Variants in BPIFB4 observed in about 807,000 individuals in gnomAD.
BPIFB4 encodes BPI fold containing family B member 4.
Under a neutral mutation model 69.2 loss-of-function variants are expected in BPIFB4, and 62 were observed. The observed-to-expected ratio is 0.90, with a 90% CI of 0.73 to 1.11. The LOEUF (loss-of-function observed/expected upper bound fraction) is 1.11. Ranked by LOEUF, BPIFB4 falls within the 50% of genes least tolerant of loss-of-function variation. BPIFB4 has a pLI of 0.00. For synonymous variants in BPIFB4, 330 were observed against 332.7 expected (o/e 0.99, Z 0.09); for missense variants, 789 against 792.0 (o/e 1.00, Z 0.04).
At chr20:33,093,036 A>G (rs1981653460) in intron 11 of BPIFB4, among the ~76,000 whole-genome samples, 2 of 152,336 alleles carry the variant, frequency 1.3e-5, no homozygotes, top group South Asian at 4.1e-4. Flanking sequence ...ACATAACAAA[A>G]TATCACCCTT....
rs374027612 is a variant in BPIFB4 at position 33,110,279 on chromosome 20, G to A, written c.1822-1135G>A. ...CTGATGAGTCTGGCCTATTTTGTGCGATATGCCCTGGATTTGATGGACACT... is the reference window on the plus strand; with the variant it reads ...CTGATGAGTCTGGCCTATTTTGTGCAATATGCCCTGGATTTGATGGACACT... On this transcript the variant is annotated intron_variant, in intron 17 of 17. Coordinates refer to ENST00000375483, the MANE Select transcript of BPIFB4 (RefSeq NM_182519.3). Among the ~76,000 whole-genome samples, 20 of 152,174 alleles carry A rather than the reference G, an allele frequency of 1.3e-4. No individual in the cohort carries two copies. In the East Asian group the frequency reaches 3.1e-3, roughly 24 times the overall value.
chr20:33,083,107 TGGGGGTGGA>T, intron 4 of BPIFB4, 107 bp downstream of exon 4: 1 of 32,892 alleles, frequency 3.0e-5, no homozygotes, highest in Non-Finnish European at 5.3e-5. Flanking sequence ...TGCTTGGTGG[TGGGGGTGGA>T]GGGGGTGGCA....
At chr20:33,092,700 A>T in intron 11 of BPIFB4, 42 bp downstream of exon 11, 3 of 1,537,038 alleles carry the variant, frequency 2.0e-6, no homozygotes, top group Non-Finnish European at 2.7e-6. Context: ...TGGGCAGCAG[A>T]CAGCTGCCAG....
At chr20:33,081,023 A>C (rs1294182542) in intron 2 of BPIFB4, among the ~76,000 whole-genome samples, 1 of 152,170 alleles carries the variant, frequency 6.6e-6, no homozygotes, top group Admixed American at 6.5e-5. Flanking sequence ...GATGGGTAAT[A>C]GATAGATGGA....
chr20:33,086,179 G>A lies in BPIFB4; in HGVS notation c.926+15G>A, dbSNP rs780656991. 3 of 1,597,408 alleles carry A rather than the reference G, an allele frequency of 1.9e-6. No homozygotes were observed. The African/African-American group carries it at 4.0e-5, about 21-fold the overall frequency. On this transcript the variant is annotated intron_variant, in intron 7 of 17. Coordinates refer to ENST00000375483, the MANE Select transcript of BPIFB4 (RefSeq NM_182519.3). ...CTGCTGCGAGGGTGAGTGCTAGCCG[G>A]CAGTGGAGTGCCTTGGGGGTTGCTG...
chr20:33,084,813 G>C (rs1416043308), intron 5 of BPIFB4, 79 bp from the exon 6 acceptor site: 2 of 1,532,578 alleles, frequency 1.3e-6, no homozygotes, highest in African/African-American at 2.7e-5. Flanking sequence ...GCAGAGAAAG[G>C]GGGTGTAGGG....
At position 33,079,679 on chromosome 20, in the gene BPIFB4, A is replaced by T. The variant is rs894569809; in HGVS notation, c.-148A>T. 6.6e-6 allele frequency: 1 copy of T among 152,306 alleles called. No individual in the cohort carries two copies. Among genetic ancestry groups the T allele is most frequent in the Non-Finnish European group, 1.5e-5 (1 of 68,198 alleles). 9.4% of individuals were successfully genotyped at this position (152,306 alleles called of 1,614,324 possible). The stretch of plus-strand genomic sequence containing the variant: ...GGGCTGGGGAACAGGACTTCTCAAG[A>T]CTCAGCGGCAGGGACCTCCTAGGGG... On this transcript the variant is annotated 5_prime_UTR_variant, in exon 1 of 18. Transcript: ENST00000375483.
chr20:33,090,454 C>T (rs1569002127), intron 9 of BPIFB4, among the ~76,000 whole-genome samples: 2 of 152,234 alleles, frequency 1.3e-5, no homozygotes, highest in Non-Finnish European at 1.5e-5. Context: ...CCCCCACCAA[C>T]GTAGTCCCAG....
intron 12 of BPIFB4, 75 bp from the exon 13 acceptor site, chr20:33,097,542 A>C (rs1981788404): frequency 6.9e-7 from 1 of 1,455,332 alleles, no homozygotes; most frequent in South Asian, 1.3e-5. Flanking sequence ...CTCTGTGTTT[A>C]GAGGTTGGCT....
At chr20:33,110,572 G>T (rs1246567025) in intron 17 of BPIFB4, among the ~76,000 whole-genome samples, 1 of 152,156 alleles carries the variant, frequency 6.6e-6, no homozygotes, top group Admixed American at 6.5e-5. Context: ...TTGCCATTCA[G>T]TGTTCACGGT....
chr20:33,097,531 G>T, intron 12 of BPIFB4, 86 bp from the exon 13 acceptor site: 1 of 1,388,896 alleles, frequency 7.2e-7, no homozygotes. Flanking sequence ...AGACCCCGGT[G>T]CTCTGTGTTT....
intron 17 of BPIFB4, among the ~76,000 whole-genome samples, chr20:33,110,596 G>A (rs1459961291): frequency 1.3e-5 from 2 of 152,170 alleles, no homozygotes; most frequent in East Asian, 1.9e-4. Context: ...GTCTGCAACT[G>A]TTATGACTGT....
intron 7 of BPIFB4, among the ~76,000 whole-genome samples, chr20:33,087,772 A>G (rs1490504804): frequency 1.4e-5 from 2 of 146,514 alleles, no homozygotes; most frequent in African/African-American, 5.1e-5. Context: ...ATGCATACAC[A>G]CACATATATA....
chr20:33,086,216 C>T, intron 7 of BPIFB4, 52 bp downstream of exon 7: 1 of 1,578,318 alleles, frequency 6.3e-7, no homozygotes, highest in Middle Eastern at 1.7e-4. Context: ...AATGGTCTGT[C>T]TTTGGCAAAC....
At chr20:33,109,263 A>G (rs1037497672) in intron 17 of BPIFB4, among the ~76,000 whole-genome samples, 3 of 152,200 alleles carry the variant, frequency 2.0e-5, no homozygotes, top group Non-Finnish European at 2.9e-5. Context: ...GGGTTAGGAA[A>G]CACGAACAGG....
At chr20:33,093,419 C>T (rs1388858111) in intron 11 of BPIFB4, among the ~76,000 whole-genome samples, 9 of 150,844 alleles carry the variant, frequency 6.0e-5, no homozygotes, top group Admixed American at 5.9e-4. Context: ...ACCAATCAAA[C>T]CATCCACCCA....
At chr20:33,088,930 G>A (rs1027407879) in intron 7 of BPIFB4, 36 bp from the exon 8 acceptor site, 5 of 1,612,740 alleles carry the variant, frequency 3.1e-6, no homozygotes, top group Middle Eastern at 1.7e-4. Flanking sequence ...CCACATGGCT[G>A]CGAGCCTTGA....
intron 10 of BPIFB4, 138 bp from the exon 11 acceptor site, chr20:33,092,320 A>G: frequency 1.5e-6 from 1 of 673,826 alleles, no homozygotes. Context: ...GGGACCATGC[A>G]TCAAAGAGCC....
chr20:33,083,323 C>T, intron 4 of BPIFB4, 44 bp from the exon 5 acceptor site: 3 of 1,573,948 alleles, frequency 1.9e-6, no homozygotes, highest in Non-Finnish European at 2.6e-6. Flanking sequence ...TGGGTGGTGG[C>T]CGACACCATT....
Sources: allele counts gnomAD v4.1 joint callset (sites outside exome capture counted in the v4.1 genomes callset), GRCh38; gene constraint gnomAD v4.1.1; transcripts MANE v1.5; gene names NCBI Gene and HGNC (gene_info 2026-07-23, HGNC 2026-07-21).